COL5A1: variants seen among roughly 807,000 people sequenced by gnomAD.
COL5A1 encodes collagen alpha-1(V) chain.
In COL5A1, 16 loss-of-function variants were observed where a neutral mutation model predicts 263.7. The ratio of observed to expected loss-of-function variants is 0.06; its 90% confidence interval spans 0.04 to 0.09. The LOEUF (loss-of-function observed/expected upper bound fraction) is 0.09, where lower values mean the gene tolerates loss of function less well. Ranked by LOEUF, COL5A1 falls within the 10% of genes least tolerant of loss-of-function variation. The probability of loss-of-function intolerance (pLI) is 1.00; values close to 1 mark genes in which losing one functional copy is unlikely to be tolerated. For synonymous variants in COL5A1, 1,012 were observed against 1,004.5 expected (o/e 1.01, Z -0.14); for missense variants, 2,036 against 2,540.5 (o/e 0.80, Z 4.27).
At chr9:134,763,566 CAG>C in intron 19 of COL5A1, 125 bp from the exon 20 acceptor site, 3 of 948,084 alleles carry the variant, frequency 3.2e-6, no homozygotes, top group Non-Finnish European at 5.2e-6. Flanking sequence ...CGGCTGGTAC[CAG>C]AGCTGGTAAA....
Position 134,814,865 on chromosome 9 carries a change from C to A in COL5A1, c.3975C>A (p.Pro1325=). ...GPSGAAGPPG[P]KGPPGDDGPK... is the part of the protein sequence containing the mutation. ...CAGGTGCTGCCGGACCCCCTGGACC[C>A]AAAGGCCCTCCCGGAGATGATGGTC... Residue 1325 remains proline, a synonymous_variant, in exon 50 of 66, where the codon CCC becomes CCA. Coordinates refer to ENST00000371817, the MANE Select transcript of COL5A1 (RefSeq NM_000093.5). 6.4e-7 allele frequency: 1 copy of A among 1,551,416 alleles called. No homozygotes were observed. Among genetic ancestry groups the A allele is most frequent in the Non-Finnish European group, 8.7e-7 (1 of 1,147,068 alleles).
In COL5A1 at chr9:134,758,370, C is replaced by T. The variant is rs1836064457; in HGVS notation, c.1935+74C>T. On this transcript the variant is annotated intron_variant, in intron 18 of 65. Transcript: ENST00000371817. This position sits in a 1 kb window ranked among gnomAD's most constrained non-coding sequence, Gnocchi z 4.1. ...TGTCTCTCGGGAGGCCCTTCTCCTT[C>T]CAGGCAGCCTCAGATTTCCTGTGGG... 1 of 1,478,416 alleles carries T rather than the reference C, an allele frequency of 6.8e-7. No homozygotes were observed. Among genetic ancestry groups the T allele is most frequent in the Non-Finnish European group, 9.4e-7 (1 of 1,058,602 alleles). The allele number at this position is 1,478,416 out of a possible 1,614,324, so 91.6% of individuals were successfully genotyped here. A position where few individuals can be genotyped will look rare whatever the true frequency, so the allele number is the denominator to read the frequency against.
At chr9:134,746,336 A>G (rs1225574806) in intron 11 of COL5A1, among the ~76,000 whole-genome samples, 1 of 152,174 alleles carries the variant, frequency 6.6e-6, no homozygotes, top group African/African-American at 2.4e-5. Flanking sequence ...TTCAACACAA[A>G]GCCTCCTGCA....
At chr9:134,684,343 A>G (rs895397309) in intron 1 of COL5A1, among the ~76,000 whole-genome samples, 3 of 152,200 alleles carry the variant, frequency 2.0e-5, no homozygotes, top group African/African-American at 7.2e-5. Context: ...GGGGGGAAAC[A>G]GAGCGTTGCT....
At chr9:134,788,177 G>A (rs1837531997) in intron 31 of COL5A1, among the ~76,000 whole-genome samples, 1 of 151,256 alleles carries the variant, frequency 6.6e-6, no homozygotes, top group Non-Finnish European at 1.5e-5. Context: ...TGGATGAATG[G>A]AGGGGTGGGT....
Position 134,657,992 on chromosome 9 carries a change from C to T in COL5A1, c.109+15696C>T, listed in dbSNP as rs565798958. ...TGGGCTTCACTGACGAGGGATGGGC[C>T]GGGCACGGAGATGCTGCTGGCTATG... On this transcript the variant is annotated intron_variant, in intron 1 of 65. Transcript: ENST00000371817. Among the ~76,000 whole-genome samples, 9 of 152,030 alleles carry T rather than the reference C, an allele frequency of 5.9e-5. 1 individual carries two copies. In the South Asian group the frequency reaches 1.5e-3, roughly 25 times the overall value.
intron 4 of COL5A1, among the ~76,000 whole-genome samples, chr9:134,705,481 G>A (rs1349628765): frequency 6.6e-6 from 1 of 152,246 alleles, no homozygotes; most frequent in Non-Finnish European, 1.5e-5. Flanking sequence ...AGCCACGTAC[G>A]GAGGAAGTGA....
At chr9:134,666,271 C>T (rs530267101) in intron 1 of COL5A1, among the ~76,000 whole-genome samples, 3 of 152,272 alleles carry the variant, frequency 2.0e-5, no homozygotes, top group East Asian at 3.9e-4. Context: ...AGGTGGGGAA[C>T]CTGAGGCTGG....
chr9:134,792,825 GTGTA>G (rs1343363276), intron 32 of COL5A1, among the ~76,000 whole-genome samples: 1 of 109,810 alleles, frequency 9.1e-6, no homozygotes, highest in East Asian at 2.3e-4. Context: ...GTGCATGTGT[GTGTA>G]TGCATGTGTA....
intron 64 of COL5A1, chr9:134,830,435 C>T (rs1839564345): frequency 8.8e-6 from 5 of 567,286 alleles, no homozygotes; most frequent in Non-Finnish European, 1.3e-5. Flanking sequence ...GGGTGTGGGC[C>T]CCAGCCTGAG....
At chr9:134,822,378 G>A (rs1310937930) in intron 59 of COL5A1, among the ~76,000 whole-genome samples, 1 of 152,190 alleles carries the variant, frequency 6.6e-6, no homozygotes, top group Non-Finnish European at 1.5e-5. Flanking sequence ...ACAGGGACAG[G>A]AAACGGTGGC....
intron 29 of COL5A1, among the ~76,000 whole-genome samples, chr9:134,784,493 C>G (rs918988099): frequency 6.6e-6 from 1 of 152,244 alleles, no homozygotes; most frequent in Non-Finnish European, 1.5e-5. Flanking sequence ...CCCGTCTGTT[C>G]CTGGGACGCC....
At chr9:134,782,786 G>T (rs1837311674) in intron 29 of COL5A1, 66 bp downstream of exon 29, 21 of 1,393,752 alleles carry the variant, frequency 1.5e-5, no homozygotes, top group Non-Finnish European at 2.1e-5. Flanking sequence ...GTGGGAGGGG[G>T]TGGGGATGTT....
At chr9:134,649,688 T>C in intron 1 of COL5A1, 1 of 365,128 alleles carries the variant, frequency 2.7e-6, no homozygotes, top group Non-Finnish European at 5.3e-6. Flanking sequence ...ACTGGGTATA[T>C]ACCCAAAGGA....
chr9:134,727,217 T>G, intron 4 of COL5A1, 49 bp from the exon 5 acceptor site: 1 of 1,607,960 alleles, frequency 6.2e-7, no homozygotes, highest in Non-Finnish European at 8.5e-7. Flanking sequence ...CAGGTCCCCA[T>G]GCGAGTGCTC....
intron 4 of COL5A1, among the ~76,000 whole-genome samples, chr9:134,710,192 G>T (rs552045428): frequency 1.3e-5 from 2 of 152,238 alleles, no homozygotes; most frequent in Admixed American, 6.5e-5. Flanking sequence ...AGGCAAAGCC[G>T]GTGCGGCCCG....
At chr9:134,748,234 CACACATGCACACATGCATTT>C (rs1285396438) in intron 11 of COL5A1, among the ~76,000 whole-genome samples, 3 of 150,934 alleles carry the variant, frequency 2.0e-5, no homozygotes, top group African/African-American at 4.9e-5. Flanking sequence ...TGCACACCCA[CACACATGCACACATGCATTT>C]ACACATGCAC....
At chr9:134,735,758 G>T (rs1024552701) in intron 9 of COL5A1, among the ~76,000 whole-genome samples, 3 of 152,234 alleles carry the variant, frequency 2.0e-5, no homozygotes, top group African/African-American at 7.2e-5. Flanking sequence ...GTCAGAGACG[G>T]AAATTGGAAA....
intron 27 of COL5A1, among the ~76,000 whole-genome samples, chr9:134,778,202 A>G (rs1351647454): frequency 3.3e-5 from 5 of 152,188 alleles, no homozygotes; most frequent in African/African-American, 4.8e-5. Context: ...GCTTCCAGCC[A>G]GGATTGCTTT....
Sources: gnomAD v4.1 joint callset for allele counts (sites outside exome capture counted in the v4.1 genomes callset) on GRCh38, gnomAD v4.1.1 for gene constraint, Gnocchi (gnomAD v3.1) non-coding constraint, MANE v1.5 for transcripts, NCBI Gene and HGNC (gene_info 2026-07-23, HGNC 2026-07-21) for gene names.